The following STXBP4 variants were observed in gnomAD, a reference collection of about 807,000 sequenced individuals.
STXBP4 encodes the protein syntaxin-binding protein 4.
In STXBP4, 55 loss-of-function variants were observed where a neutral mutation model predicts 76.1. The ratio of observed to expected loss-of-function variants is 0.72; its 90% CI spans 0.58 to 0.91. The LOEUF is 0.91. Among genes scored for constraint, STXBP4 ranks in the 40% least tolerant of loss-of-function variants. STXBP4 has a pLI of 0.00. For missense variants in STXBP4, 618 were observed against 636.9 expected, an observed-to-expected ratio of 0.97 and a Z score of 0.32; for synonymous variants, 201 against 220.2, an observed-to-expected ratio of 0.91 and a Z score of 0.77.
At chr17:54,990,229 T>G (rs2077692818) in intron 3 of STXBP4, among the ~76,000 whole-genome samples, 1 of 152,208 alleles carries the variant, frequency 6.6e-6, no homozygotes, top group African/African-American at 2.4e-5. Context: ...GTTGTCTAGA[T>G]CAGAGGTCCC....
At chr17:55,211,796 G>GTTTT in the STXBP4 span, among the ~76,000 whole-genome samples, 3 of 35,010 alleles carry the variant, frequency 8.6e-5, no homozygotes, top group Admixed American at 3.0e-4. Flanking sequence ...CCTGTTTTTT[G>GTTTT]TTGTTTTTTT....
chr17:55,103,406 G>GT (rs1221291467), intron 16 of STXBP4, among the ~76,000 whole-genome samples: 3 of 152,028 alleles, frequency 2.0e-5, no homozygotes, highest in Non-Finnish European at 4.4e-5. Context: ...TCCATTGCTT[G>GT]TTTTTGTCAG....
chr17:55,078,834 A>C (rs188810747), intron 15 of STXBP4, 99 bp downstream of exon 15: 1 of 715,848 alleles, frequency 1.4e-6, no homozygotes, highest in Admixed American at 2.4e-5. Context: ...AAATAGTCCT[A>C]AGGTGCTACA....
chr17:55,154,590 G>A (rs1355832778), intron 17 of STXBP4, among the ~76,000 whole-genome samples: 4 of 151,826 alleles, frequency 2.6e-5, no homozygotes, highest in Admixed American at 6.6e-5. Flanking sequence ...AGTTACCCAG[G>A]GCTGTACTCT....
chr17:55,092,974 TTTTTTG>T (rs1048933456), intron 16 of STXBP4, among the ~76,000 whole-genome samples: 1 of 75,520 alleles, frequency 1.3e-5, no homozygotes, highest in Non-Finnish European at 2.9e-5. Flanking sequence ...ATTTTTTTTG[TTTTTTG>T]TTTTTTGTTT....
chr17:55,029,634 C>T (rs1389178604), intron 8 of STXBP4, among the ~76,000 whole-genome samples: 2 of 151,434 alleles, frequency 1.3e-5, no homozygotes, highest in African/African-American at 4.9e-5. Flanking sequence ...CTAGACTAAG[C>T]TTAAGAATCA....
chr17:54,988,225 TTA>T (rs766860637), intron 3 of STXBP4, among the ~76,000 whole-genome samples: 3 of 152,106 alleles, frequency 2.0e-5, no homozygotes, highest in Non-Finnish European at 4.4e-5. Flanking sequence ...ATGGATAGAT[TTA>T]TAGAGAAAAC....
At chr17:55,208,609 A>G in the STXBP4 span, among the ~76,000 whole-genome samples, 1,366 of 27,030 alleles carry the variant, frequency 0.051, 21 homozygotes, top group East Asian at 0.14. Context: ...AAGGAAGGAA[A>G]GAGAGAGGGA....
chr17:54,994,963 T>C (rs1856378514), intron 4 of STXBP4, among the ~76,000 whole-genome samples: 1 of 152,168 alleles, frequency 6.6e-6, no homozygotes, highest in African/African-American at 2.4e-5. Context: ...TATTTTTTTC[T>C]ACATATGCTC....
intron 16 of STXBP4, among the ~76,000 whole-genome samples, chr17:55,100,816 A>G (rs1316396219): frequency 1.3e-5 from 2 of 152,184 alleles, no homozygotes; most frequent in African/African-American, 2.4e-5. Flanking sequence ...CAGGTTGTAC[A>G]TGACTATATT....
At chr17:55,210,346 C>T in the STXBP4 span, among the ~76,000 whole-genome samples, 1 of 152,150 alleles carries the variant, frequency 6.6e-6, no homozygotes. Context: ...AATTCAAAGT[C>T]TGCACAACAA....
chr17:55,011,679 GT>G (rs1228561487), intron 8 of STXBP4, among the ~76,000 whole-genome samples: 2 of 151,796 alleles, frequency 1.3e-5, no homozygotes, highest in African/African-American at 2.4e-5. Context: ...TTTACCTCCT[GT>G]TTTTGCCTAA....
intron 16 of STXBP4, among the ~76,000 whole-genome samples, chr17:55,103,846 C>T (rs1190948423): frequency 1.3e-5 from 2 of 152,156 alleles, no homozygotes; most frequent in African/African-American, 2.4e-5. Flanking sequence ...CCTTCACCTC[C>T]ATTGTAAGTT....
the STXBP4 span, among the ~76,000 whole-genome samples, chr17:55,191,506 C>T: frequency 2.6e-5 from 4 of 152,162 alleles, no homozygotes. Flanking sequence ...GGTCCCTCAA[C>T]AACTTCAACC....
chr17:55,078,730 T>A lies in STXBP4; in HGVS notation c.1350T>A (p.Asn450Lys). ...VFSDNSTPLS[N>K]LSERRAVLAS... ...CTGATAATTCTACTCCTTTATCAAA[T>A]TTAAGGTAAGAAAATTTAAGTGCTT... The change falls in exon 15 of 18, where the codon AAT (asparagine) becomes AAA (lysine). Residue 450 changes from asparagine to lysine, a missense_variant. Asn to Lys is a moderately conservative substitution (Grantham distance 94). Transcript: ENST00000376352. The A allele has an allele frequency of 6.5e-7, 1 of 1,539,322 alleles. No homozygotes were observed. The highest frequency in any genetic ancestry group is 9.0e-7 in the Non-Finnish European group (1 of 1,114,388).
chr17:55,000,621 G>A (rs1002646010), intron 6 of STXBP4, among the ~76,000 whole-genome samples, 187 bp from the exon 7 acceptor site: 1 of 152,182 alleles, frequency 6.6e-6, no homozygotes, highest in African/African-American at 2.4e-5. Context: ...ATGTGGTAGA[G>A]CTGAAAGCAA....
intron 16 of STXBP4, among the ~76,000 whole-genome samples, chr17:55,099,241 C>T (rs928189794): frequency 3.9e-5 from 6 of 152,106 alleles, no homozygotes; most frequent in East Asian, 1.9e-4. Context: ...CATTTTTTGA[C>T]GCTTCAGTTT....
At chr17:55,032,452 G>A (rs1433747079) in intron 9 of STXBP4, among the ~76,000 whole-genome samples, 1 of 152,090 alleles carries the variant, frequency 6.6e-6, no homozygotes, top group Non-Finnish European at 1.5e-5. Context: ...TGTGAAGATA[G>A]AGGAAAATCA....
At chr17:55,054,036 CCTGTATTTATTT>C (rs1179097555) in intron 12 of STXBP4, among the ~76,000 whole-genome samples, 2 of 152,016 alleles carry the variant, frequency 1.3e-5, no homozygotes, top group Non-Finnish European at 2.9e-5. Flanking sequence ...ATGAGGCCCT[CCTGTATTTATTT>C]CTGTGAAAGG....
Sources: gnomAD v4.1 joint callset for allele counts (sites outside exome capture counted in the v4.1 genomes callset) on GRCh38, gnomAD v4.1.1 for gene constraint, MANE v1.5 for transcripts, NCBI Gene and HGNC (gene_info 2026-07-23, HGNC 2026-07-21) for gene names.